TBCD: variants seen among roughly 807,000 people sequenced by gnomAD.
TBCD encodes tubulin-specific chaperone D.
Under a neutral mutation model 169.3 loss-of-function variants are expected in TBCD, and 105 were observed. The ratio of observed to expected loss-of-function variants is 0.62; its 90% CI spans 0.53 to 0.73. The LOEUF (loss-of-function observed/expected upper bound fraction) is 0.73. Ranked by LOEUF, TBCD falls within the 30% of genes least tolerant of loss-of-function variation. The probability of loss-of-function intolerance (pLI) is 0.00; values close to 1 mark genes in which losing one functional copy is unlikely to be tolerated. For missense variants in TBCD, 1,444 were observed against 1,600.1 expected (o/e 0.90, Z 1.66); for synonymous variants, 700 against 643.9 (o/e 1.09, Z -1.32).
chr17:82,901,334 G>A (rs1235970337), intron 18 of TBCD, among the ~76,000 whole-genome samples: 1 of 152,218 alleles, frequency 6.6e-6, no homozygotes, highest in Non-Finnish European at 1.5e-5. Flanking sequence ...ACGGAGCCTC[G>A]AGGAGCGGTA....
chr17:82,900,243 T>C (rs1020059794), intron 17 of TBCD, among the ~76,000 whole-genome samples: 3 of 152,182 alleles, frequency 2.0e-5, no homozygotes, highest in African/African-American at 7.2e-5. Context: ...TGGGTGTAGA[T>C]GAGTTTTTTG....
At chr17:82,919,702 C>CTG (rs2147120631) in intron 23 of TBCD, among the ~76,000 whole-genome samples, 2 of 152,246 alleles carry the variant, frequency 1.3e-5, no homozygotes, top group Admixed American at 1.3e-4. Context: ...AATCTTGGTG[C>CTG]TGACAGACAC....
At chr17:82,779,680 C>T (rs2048819254) in intron 6 of TBCD, among the ~76,000 whole-genome samples, 1 of 152,178 alleles carries the variant, frequency 6.6e-6, no homozygotes. Flanking sequence ...AAGCATGGAG[C>T]CGGCTCTCGC....
At position 82,833,060 on chromosome 17, in the gene TBCD, C is replaced by A. The variant is rs536915606; in HGVS notation, c.1318+18126C>A. On this transcript the variant is annotated intron_variant, in intron 13 of 38. Transcript: ENST00000355528. This position sits in a 1 kb window ranked among gnomAD's most constrained non-coding sequence, Gnocchi z 4.7. ...GGACAGAGTCCTGTCCCAGGGCTGCCCGACTCTGCTTGGGGGTTACACGCT... is the reference window on the plus strand; with the variant it reads ...GGACAGAGTCCTGTCCCAGGGCTGCACGACTCTGCTTGGGGGTTACACGCT... Among the ~76,000 whole-genome samples the A allele has an allele frequency of 6.6e-6, 1 of 152,240 alleles. No homozygotes were observed. The highest frequency in any genetic ancestry group is 2.4e-5 in the African/African-American group (1 of 41,552).
rs573362574 is a variant in TBCD, at chr17:82,937,207, A to G, written c.3192-64A>G. 2.2e-4 allele frequency: 327 copies of G among 1,489,852 alleles called. 1 individual carries two copies. In the Middle Eastern group the frequency reaches 4.1e-3, roughly 19 times the overall value. 92.3% of individuals were successfully genotyped at this position (1,489,852 alleles called of 1,614,324 possible). On this transcript the variant is annotated intron_variant, in intron 34 of 38. Transcript: ENST00000355528. ...ACGGAGTTGACCTTCTTTGAGACAG[A>G]AAAAGTGTGCATCCCGGGGCTGCCT... is the stretch of plus-strand genomic sequence containing the variant.
At chr17:82,759,151 A>G (rs2047613868) in intron 2 of TBCD, among the ~76,000 whole-genome samples, 2 of 152,128 alleles carry the variant, frequency 1.3e-5, no homozygotes, top group African/African-American at 4.8e-5. Context: ...CAGAGCTGGG[A>G]CAACAGGCAC....
Position 82,923,707 on chromosome 17 carries a change from CG to C in TBCD, c.2239del (p.Glu747ArgfsTer10). ...ALCSEYYMKE[P>X]GEADPAIQEE... ...TGCAGTGAATATTACATGAAGGAGC[CG>C]GGGGAGGCAGATCCCGCAATTCAGG... On this transcript the variant is annotated frameshift_variant, in exon 26 of 39. Transcript: ENST00000355528. LOFTEE classifies it high-confidence loss of function. This position sits in a 1 kb window ranked among gnomAD's most constrained non-coding sequence, Gnocchi z 4.6. The C allele has an allele frequency of 1.3e-6, 2 of 1,599,310 alleles. No individual in the cohort carries two copies. The highest frequency in any genetic ancestry group is 1.1e-5 in the South Asian group (1 of 88,304).
chr17:82,925,370 G>T (rs915905734), intron 27 of TBCD, among the ~76,000 whole-genome samples: 1 of 152,208 alleles, frequency 6.6e-6, no homozygotes, highest in Non-Finnish European at 1.5e-5. Context: ...GCCTTTGTGC[G>T]TTGTGGAGCC....
chr17:82,942,035 A>G, intron 38 of TBCD: 1 of 282,996 alleles, frequency 3.5e-6, no homozygotes. Context: ...TCTGAGAGGG[A>G]GGAGGAGAAC....
rs183622581 is a variant in TBCD, at chr17:82,943,790, A to C, written c.*1327A>C. The C allele has an allele frequency of 3.3e-5, 5 of 152,204 alleles. No homozygotes were observed. The highest frequency in any genetic ancestry group is 7.3e-5 in the Non-Finnish European group (5 of 68,040). 9.4% of individuals were successfully genotyped at this position (152,204 alleles called of 1,614,324 possible). ...ATACCCTAAAAGAGCCTTGGGTTAC[A>C]TTTTTACGAGATTTAAATATTTTAT... On this transcript the variant is annotated 3_prime_UTR_variant, in exon 39 of 39. Coordinates refer to ENST00000355528, the MANE Select transcript of TBCD (RefSeq NM_005993.5).
intron 14 of TBCD, among the ~76,000 whole-genome samples, chr17:82,875,880 C>T (rs1307845076): frequency 1.3e-5 from 2 of 152,128 alleles, no homozygotes; most frequent in African/African-American, 2.4e-5. Flanking sequence ...AAAAAATTCT[C>T]GTGTTTTACC....
rs182451556 is a variant in TBCD at position 82,922,084 on chromosome 17, C to G, written c.2178+507C>G. Among the ~76,000 whole-genome samples the G allele has an allele frequency of 6.6e-6, 1 of 152,166 alleles. No individual in the cohort carries two copies. The highest frequency in any genetic ancestry group is 2.4e-5 in the African/African-American group (1 of 41,432). ...GGACTTTGGACTCACAGAGCTGTAA[C>G]GCTGATCTCATTGCATAGATAAGAA... On this transcript the variant is annotated intron_variant, in intron 25 of 38. Coordinates refer to ENST00000355528, the MANE Select transcript of TBCD (RefSeq NM_005993.5). This position sits in a 1 kb window ranked among gnomAD's most constrained non-coding sequence, Gnocchi z 4.1.
intron 13 of TBCD, among the ~76,000 whole-genome samples, chr17:82,850,155 G>GTGCTCTTC (rs2055609138): frequency 9.1e-6 from 1 of 109,454 alleles, no homozygotes; most frequent in African/African-American, 4.0e-5. Flanking sequence ...GTTGTTGGCT[G>GTGCTCTTC]TGCTGTTGTT....
At chr17:82,755,061 C>T (rs2047331313) in intron 1 of TBCD, among the ~76,000 whole-genome samples, 1 of 152,322 alleles carries the variant, frequency 6.6e-6, no homozygotes, top group East Asian at 1.9e-4. Flanking sequence ...CAATCAATAC[C>T]TGTAAGATGT....
intron 5 of TBCD, 103 bp from the exon 6 acceptor site, chr17:82,772,349 G>C: frequency 8.4e-7 from 1 of 1,193,992 alleles, no homozygotes; most frequent in Admixed American, 1.7e-5. Context: ...TTGTGAACCT[G>C]GGCCCTCGGG....
chr17:82,759,306 C>A (rs1240000367), intron 2 of TBCD, among the ~76,000 whole-genome samples: 2 of 152,084 alleles, frequency 1.3e-5, no homozygotes, highest in Admixed American at 6.5e-5. Context: ...CATGGTGAAA[C>A]CCTGTCTCTA....
chr17:82,876,798 G>C (rs946364246), intron 14 of TBCD, among the ~76,000 whole-genome samples: 1 of 152,242 alleles, frequency 6.6e-6, no homozygotes, highest in African/African-American at 2.4e-5. Context: ...CTTCGTTGAA[G>C]TGGGCCAGGC....
chr17:82,779,727 G>A (rs1008864338), intron 6 of TBCD, among the ~76,000 whole-genome samples: 3 of 152,232 alleles, frequency 2.0e-5, no homozygotes, highest in African/African-American at 7.2e-5. Context: ...AACAAGGGCC[G>A]GGAAGGTGGG....
chr17:82,909,382 G>T, intron 22 of TBCD, 75 bp downstream of exon 22: 2 of 1,302,508 alleles, frequency 1.5e-6, no homozygotes, highest in South Asian at 2.8e-5. Flanking sequence ...AGGCGGGGCG[G>T]GTGTGTTCGC....
Sources: allele counts gnomAD v4.1 joint callset (sites outside exome capture counted in the v4.1 genomes callset), GRCh38; gene constraint gnomAD v4.1.1; non-coding constraint Gnocchi (gnomAD v3.1); transcripts MANE v1.5; gene names NCBI Gene and HGNC (gene_info 2026-07-23, HGNC 2026-07-21).